The following MYH11 variants were observed in gnomAD, a reference collection of about 807,000 sequenced individuals.
MYH11 encodes myosin heavy chain 11, also known as myosin-11.
Under a neutral mutation model 246.6 loss-of-function variants are expected in MYH11, and 80 were observed. The ratio of observed to expected loss-of-function variants is 0.32; its 90% CI spans 0.27 to 0.39. The LOEUF (loss-of-function observed/expected upper bound fraction) is 0.39. MYH11 is among the 10% of genes least tolerant of loss of function. MYH11 has a pLI of 1.00. For synonymous variants in MYH11, 1,071 were observed against 1,015.5 expected (o/e 1.05, Z -1.04); for missense variants, 2,158 against 2,546.8 (o/e 0.85, Z 3.29).
chr16:15,830,979 C>G (rs1744398468), intron 2 of MYH11, among the ~76,000 whole-genome samples: 2 of 152,140 alleles, frequency 1.3e-5, no homozygotes, highest in South Asian at 4.1e-4. Flanking sequence ...CGAGACCAGC[C>G]TGGCCAACAT....
chr16:15,761,002 C>T (rs2041855368), intron 10 of MYH11, among the ~76,000 whole-genome samples: 2 of 152,168 alleles, frequency 1.3e-5, no homozygotes, highest in Admixed American at 1.3e-4. Context: ...CTTTTCTCAG[C>T]TTTAAAAAGG....
intron 4 of MYH11, among the ~76,000 whole-genome samples, chr16:15,796,447 C>T (rs1432221932): frequency 6.6e-6 from 1 of 152,218 alleles, no homozygotes; most frequent in Non-Finnish European, 1.5e-5. Context: ...AGGAAGCCAT[C>T]TGAAAGTCCT....
chr16:15,812,461 A>G (rs2043159748), intron 3 of MYH11, among the ~76,000 whole-genome samples: 1 of 148,358 alleles, frequency 6.7e-6, no homozygotes, highest in Non-Finnish European at 1.5e-5. Context: ...TCATACCCAT[A>G]ATCCCAGCAC....
rs74601624 is a variant in MYH11 at position 15,856,784 on chromosome 16, G to A, written c.-18+157C>T. 0.051 allele frequency among the ~76,000 whole-genome samples: 7,832 copies of A among 152,084 alleles called. 701 individuals carry two copies. The highest frequency in any genetic ancestry group is 0.18 in the African/African-American group (7,432 of 41,418). On this transcript the variant is annotated intron_variant, in intron 1 of 40. Transcript: ENST00000300036. ...TAGGATAATCTAAGACGATAAGGCA[G>A]AGAGAGATCCAAATCACAACTCTGC...
chr16:15,806,182 C>T (rs1419404418), intron 3 of MYH11, among the ~76,000 whole-genome samples: 1 of 147,128 alleles, frequency 6.8e-6, no homozygotes, highest in African/African-American at 2.5e-5. Context: ...GAGGCTGAGG[C>T]AGGAGAATCA....
At chr16:15,820,488 A>AAAAAGAAAGAAAGAAAGAC (rs2043381673) in intron 3 of MYH11, among the ~76,000 whole-genome samples, 1 of 151,738 alleles carries the variant, frequency 6.6e-6, no homozygotes, top group Non-Finnish European at 1.5e-5. Context: ...AAAAAAAAAA[A>AAAAAGAAAGAAAGAAAGAC]AAAAGAAAGA....
rs1354199874 is a variant in MYH11 at position 15,732,428 on chromosome 16, T to A, written c.3651+136A>T. 33 of 1,317,014 alleles carry A rather than the reference T, an allele frequency of 2.5e-5. No individual in the cohort carries two copies. In the Admixed American group the frequency reaches 4.8e-4, roughly 19 times the overall value. The allele number at this position is 1,317,014 out of a possible 1,614,324, so 81.6% of individuals were successfully genotyped here. A position where few individuals can be genotyped will look rare whatever the true frequency, so the allele number is the denominator to read the frequency against. ...ATGGGAAGCATTTTGTAAATAAATATAAGCTGCTATCATCATCATTAGAAT... is the reference window on the plus strand; with the variant it reads ...ATGGGAAGCATTTTGTAAATAAATAAAAGCTGCTATCATCATCATTAGAAT... On this transcript the variant is annotated intron_variant, in intron 27 of 40. Transcript: ENST00000300036.
At chr16:15,847,246 C>CTTTTTTTTTTTTTT (rs545966682) in intron 1 of MYH11, among the ~76,000 whole-genome samples, 2 of 112,284 alleles carry the variant, frequency 1.8e-5, no homozygotes, top group African/African-American at 3.2e-5. Context: ...AAGTGGACTT[C>CTTTTTTTTTTTTTT]TTTTTTTTTT....
At chr16:15,818,873 G>C (rs532573384) in intron 3 of MYH11, among the ~76,000 whole-genome samples, 4 of 152,116 alleles carry the variant, frequency 2.6e-5, no homozygotes, top group Non-Finnish European at 5.9e-5. Context: ...GCATATTCAC[G>C]GTTTTCATTT....
At chr16:15,784,296 A>G (rs4781692) in intron 5 of MYH11, among the ~76,000 whole-genome samples, 16,992 of 152,206 alleles carry the variant, frequency 0.11, 1,147 homozygotes, top group Admixed American at 0.14. Flanking sequence ...TCGACTGTCC[A>G]TCGAGCCAGG....
At chr16:15,734,619 CT>C (rs1450511028) in intron 26 of MYH11, among the ~76,000 whole-genome samples, 1 of 152,050 alleles carries the variant, frequency 6.6e-6, no homozygotes, top group Non-Finnish European at 1.5e-5. Flanking sequence ...TTTATGTCTG[CT>C]TTTCTATAGT....
intron 40 of MYH11, 60 bp downstream of exon 40, chr16:15,714,848 AG>A (rs1268013982): frequency 3.1e-6 from 5 of 1,600,992 alleles, no homozygotes; most frequent in Non-Finnish European, 4.3e-6. Flanking sequence ...AAGGAGCCCG[AG>A]CCCCCAGTGC....
At chr16:15,742,238 T>C (rs1356442361) in intron 20 of MYH11, 5 of 407,876 alleles carry the variant, frequency 1.2e-5, no homozygotes, top group Admixed American at 1.1e-4. Flanking sequence ...TTCCCCACTT[T>C]AGAACCATCC....
chr16:15,767,157 G>A (rs2042001603), intron 9 of MYH11, among the ~76,000 whole-genome samples: 1 of 151,944 alleles, frequency 6.6e-6, no homozygotes, highest in Admixed American at 6.6e-5. Context: ...GGACGGATGG[G>A]TGATGGATGG....
At chr16:15,766,433 A>G (rs945881532) in intron 9 of MYH11, among the ~76,000 whole-genome samples, 1 of 149,074 alleles carries the variant, frequency 6.7e-6, no homozygotes, top group African/African-American at 2.5e-5. Flanking sequence ...CATTGGTGCA[A>G]TCTCGGCTCA....
At chr16:15,717,382 CAG>C (rs1659429759) in intron 37 of MYH11, 34 bp from the exon 38 acceptor site, 10 of 1,600,042 alleles carry the variant, frequency 6.2e-6, no homozygotes, top group Non-Finnish European at 8.5e-6. Flanking sequence ...GAGGCGGACT[CAG>C]GGAAGCCCAA....
rs534384552 is a variant in MYH11 at position 15,737,461 on chromosome 16, G to A, written c.3281C>T (p.Ala1094Val). ...QLAKKEEELQAALARLDDEIA... is the reference protein window; with the variant it reads ...QLAKKEEELQVALARLDDEIA... ...CCAGCCCCGCTACCTGGCCAGGGCC[G>A]CCTGCAGCTCCTCCTCCTTCTTGGC... is the stretch of plus-strand genomic sequence containing the variant. Residue 1094 changes from alanine to valine, a missense_variant, in exon 25 of 41, where the codon GCG becomes GTG. Transcript: ENST00000300036. 102 of 1,612,842 alleles carry A rather than the reference G, an allele frequency of 6.3e-5. No individual in the cohort carries two copies. Among genetic ancestry groups the A allele is most frequent in the Non-Finnish European group, 7.4e-5 (87 of 1,180,020 alleles).
intron 5 of MYH11, chr16:15,785,052 G>C: frequency 5.4e-6 from 1 of 185,758 alleles, no homozygotes; most frequent in Non-Finnish European, 9.6e-6. Context: ...GTCTCACTAT[G>C]TCACCCAGGC....
At chr16:15,708,954 T>A in intron 40 of MYH11, 1 of 1,143,870 alleles carries the variant, frequency 8.7e-7, no homozygotes, top group African/African-American at 1.5e-5. Context: ...TTAAAGGCAC[T>A]CTTTTTTATT....
Sources: allele counts gnomAD v4.1 joint callset (sites outside exome capture counted in the v4.1 genomes callset), GRCh38; gene constraint gnomAD v4.1.1; transcripts MANE v1.5; gene names NCBI Gene and HGNC (gene_info 2026-07-23, HGNC 2026-07-21).